Variants in SORCS1 observed in about 807,000 individuals in gnomAD.
The protein encoded by SORCS1 is VPS10 domain-containing receptor SorCS1.
In SORCS1, 60 loss-of-function variants were observed where a neutral mutation model predicts 146.1. That is an observed-to-expected ratio of 0.41 (90% confidence interval 0.33 to 0.51). SORCS1 has a LOEUF of 0.51. Among genes scored for constraint, SORCS1 ranks in the 20% least tolerant of loss-of-function variants. The pLI, the probability that SORCS1 is intolerant of heterozygous loss-of-function variation, is 0.21. For synonymous variants in SORCS1, 637 were observed against 584.0 expected (o/e 1.09, Z -1.31); for missense variants, 1,352 against 1,487.6 (o/e 0.91, Z 1.50).
chr10:106,899,172 A>T (rs1054085825), intron 2 of SORCS1, among the ~76,000 whole-genome samples: 1 of 152,218 alleles, frequency 6.6e-6, no homozygotes, highest in Non-Finnish European at 1.5e-5. Context: ...AGCCAACCCT[A>T]TTCTAACACA....
At chr10:106,944,874 C>CTTTCTTTTTTTTTTTTTTTTT (rs1954242089) in intron 2 of SORCS1, among the ~76,000 whole-genome samples, 1 of 36,576 alleles carries the variant, frequency 2.7e-5, no homozygotes, top group Non-Finnish European at 5.0e-5. Context: ...AAAGAGCCTT[C>CTTTCTTTTTTTTTTTTTTTTT]TTTTTTTTTT....
chr10:106,794,272 T>A lies in SORCS1; in HGVS notation c.727-17580A>T, dbSNP rs547911330. On this transcript the variant is annotated intron_variant, in intron 3 of 25. Transcript: ENST00000263054. ...GCTTTCCAGGTTACCACCACCCACA[T>A]CATCTTTTGTTATCTTGTTAAAACT... Among the ~76,000 whole-genome samples, 158 of 152,284 alleles carry A rather than the reference T, an allele frequency of 1.0e-3. 2 individuals carry two copies. The highest frequency in any genetic ancestry group is 3.7e-3 in the African/African-American group (155 of 41,556).
chr10:106,958,127 C>T (rs1455226201), intron 1 of SORCS1, among the ~76,000 whole-genome samples: 1 of 152,206 alleles, frequency 6.6e-6, no homozygotes, highest in African/African-American at 2.4e-5. Flanking sequence ...AGCACACTTG[C>T]GAAGATTCCA....
intron 7 of SORCS1, 27 bp from the exon 8 acceptor site, chr10:106,706,661 A>G: frequency 6.2e-7 from 1 of 1,608,662 alleles, no homozygotes. Context: ...AGACTGTAAG[A>G]AGCTCGAGCT....
intron 1 of SORCS1, among the ~76,000 whole-genome samples, chr10:107,105,319 G>A (rs1228090021): frequency 6.6e-6 from 1 of 152,178 alleles, no homozygotes; most frequent in Middle Eastern, 3.2e-3. Flanking sequence ...GGCAAACAGA[G>A]TGTATTAGGG....
At chr10:107,009,650 T>C (rs1384703082) in intron 1 of SORCS1, among the ~76,000 whole-genome samples, 3 of 152,212 alleles carry the variant, frequency 2.0e-5, no homozygotes, top group Non-Finnish European at 4.4e-5. Flanking sequence ...TTCATGTAGT[T>C]GCTGGGACAG....
intron 23 of SORCS1, 66 bp downstream of exon 23, chr10:106,607,100 G>A (rs1037235991): frequency 1.9e-6 from 3 of 1,580,412 alleles, no homozygotes; most frequent in Non-Finnish European, 2.6e-6. Flanking sequence ...AGAAATGGAG[G>A]CTTAGAAAGT....
chr10:107,102,476 G>T (rs1446287157), intron 1 of SORCS1, among the ~76,000 whole-genome samples: 1 of 152,208 alleles, frequency 6.6e-6, no homozygotes, highest in African/African-American at 2.4e-5. Context: ...CAAGATATTG[G>T]ATTGTCAGTG....
chr10:106,806,996 A>G (rs889726825), intron 3 of SORCS1, among the ~76,000 whole-genome samples: 4 of 152,166 alleles, frequency 2.6e-5, no homozygotes, highest in African/African-American at 9.7e-5. Flanking sequence ...GCATGGGGAA[A>G]AAAAGCACAT....
At chr10:106,757,651 T>C (rs1460328564) in intron 5 of SORCS1, among the ~76,000 whole-genome samples, 1 of 152,210 alleles carries the variant, frequency 6.6e-6, no homozygotes, top group Non-Finnish European at 1.5e-5. Context: ...TAAGGAACCC[T>C]TGTGAGCCAT....
Position 106,996,099 on chromosome 10 carries a change from G to A in SORCS1, c.559-39519C>T, listed in dbSNP as rs1403807576. On this transcript the variant is annotated intron_variant, in intron 1 of 25. Coordinates refer to ENST00000263054, the MANE Select transcript of SORCS1 (RefSeq NM_052918.5). Reference sequence around the variant, plus strand: ...TACTAAAAATACAAAAATTAGCCAGGCATGGTGGCCTGTAATCCTAGCTAC... The same window carrying A: ...TACTAAAAATACAAAAATTAGCCAGACATGGTGGCCTGTAATCCTAGCTAC... 3.9e-5 allele frequency among the ~76,000 whole-genome samples: 6 copies of A among 152,016 alleles called. No individual in the cohort carries two copies. In the South Asian group the frequency reaches 8.3e-4, roughly 21 times the overall value.
At chr10:107,030,208 C>T (rs185333393) in intron 1 of SORCS1, among the ~76,000 whole-genome samples, 6 of 152,100 alleles carry the variant, frequency 3.9e-5, no homozygotes, top group East Asian at 1.9e-4. Flanking sequence ...ACCAGGTGAC[C>T]GCAGAGAAGC....
intron 1 of SORCS1, among the ~76,000 whole-genome samples, chr10:107,061,942 C>A (rs1961272016): frequency 6.6e-6 from 1 of 152,054 alleles, no homozygotes; most frequent in African/African-American, 2.4e-5. Flanking sequence ...TGGTAGCTAA[C>A]CTTTATTGAG....
At chr10:106,743,384 G>A (rs1358155507) in intron 5 of SORCS1, among the ~76,000 whole-genome samples, 3 of 151,978 alleles carry the variant, frequency 2.0e-5, no homozygotes, top group African/African-American at 7.2e-5. Context: ...CCATCCATCT[G>A]GAAATATGTT....
chr10:106,878,649 T>TATATATATATTTA (rs1491300730), intron 2 of SORCS1, among the ~76,000 whole-genome samples: 1 of 137,870 alleles, frequency 7.3e-6, no homozygotes, highest in Non-Finnish European at 1.6e-5. Flanking sequence ...TATATATATA[T>TATATATATATTTA]TTTATAGCAG....
chr10:107,052,502 T>C (rs1960213938), intron 1 of SORCS1, among the ~76,000 whole-genome samples: 1 of 152,176 alleles, frequency 6.6e-6, no homozygotes, highest in South Asian at 2.1e-4. Context: ...GAATGTCACC[T>C]TAGTTCTCCA....
chr10:107,037,118 C>T (rs904910691), intron 1 of SORCS1, among the ~76,000 whole-genome samples: 1 of 152,130 alleles, frequency 6.6e-6, no homozygotes, highest in Non-Finnish European at 1.5e-5. Context: ...CGGTGGAACA[C>T]ACCTGTAATC....
intron 2 of SORCS1, among the ~76,000 whole-genome samples, chr10:106,835,136 G>C (rs1340669403): frequency 6.6e-6 from 1 of 152,102 alleles, no homozygotes; most frequent in Non-Finnish European, 1.5e-5. Flanking sequence ...CCTTCCAAGA[G>C]GTTATTATCT....
chr10:106,580,067 C>T (rs1212312276), intron 24 of SORCS1, among the ~76,000 whole-genome samples: 1 of 152,122 alleles, frequency 6.6e-6, no homozygotes, highest in South Asian at 2.1e-4. Flanking sequence ...CCCCGTCACC[C>T]CTACTCCAGT....
Sources: allele counts gnomAD v4.1 joint callset (sites outside exome capture counted in the v4.1 genomes callset), GRCh38; gene constraint gnomAD v4.1.1; transcripts MANE v1.5; gene names NCBI Gene and HGNC (gene_info 2026-07-23, HGNC 2026-07-21).